PARP8: variants seen among roughly 807,000 people sequenced by gnomAD.
PARP8 encodes the protein protein mono-ADP-ribosyltransferase PARP8.
Under a neutral mutation model 124.1 loss-of-function variants are expected in PARP8, and 51 were observed. The observed-to-expected ratio is 0.41, with a 90% CI of 0.33 to 0.52. The LOEUF (loss-of-function observed/expected upper bound fraction) is 0.52, where lower values mean the gene tolerates loss of function less well. Among genes scored for constraint, PARP8 ranks in the 20% least tolerant of loss-of-function variants. PARP8 has a pLI of 0.21. For synonymous variants in PARP8, 391 were observed against 361.5 expected, an observed-to-expected ratio of 1.08 and a Z score of -0.93; for missense variants, 860 against 1,018.9, an observed-to-expected ratio of 0.84 and a Z score of 2.12.
chr5:50,674,827 G>T (rs905442270), intron 2 of PARP8, among the ~76,000 whole-genome samples: 1 of 152,040 alleles, frequency 6.6e-6, no homozygotes, highest in Non-Finnish European at 1.5e-5. Context: ...TTTTTTCCTT[G>T]CCCACGAATG....
intron 2 of PARP8, among the ~76,000 whole-genome samples, 160 bp from the exon 3 acceptor site, chr5:50,749,991 C>A (rs72753773): frequency 1.3e-5 from 2 of 151,932 alleles, no homozygotes; most frequent in African/African-American, 4.8e-5. Context: ...TTTCTTATGG[C>A]GGATATAAAA....
intron 2 of PARP8, among the ~76,000 whole-genome samples, chr5:50,709,825 G>T (rs1262524470): frequency 2.1e-5 from 3 of 145,502 alleles, no homozygotes; most frequent in Non-Finnish European, 4.5e-5. Flanking sequence ...GAGATGGATG[G>T]ATGGACTGTT....
At position 50,760,424 on chromosome 5, in the gene PARP8, T is replaced by A. The variant is rs1460057687; in HGVS notation, c.345+62T>A. 1.1e-5 allele frequency: 13 copies of A among 1,222,134 alleles called. 1 individual carries two copies. The South Asian group carries it at 2.2e-4, about 20-fold the overall frequency. 75.7% of individuals were successfully genotyped at this position (1,222,134 alleles called of 1,614,324 possible). On this transcript the variant is annotated intron_variant, in intron 5 of 25. Transcript: ENST00000281631. ...ATAGATATATTTAAAATTTACTGGG[T>A]TTTTGTAGTTAATAGCATCATTAGT...
At chr5:50,806,400 G>A (rs1266895430) in intron 14 of PARP8, among the ~76,000 whole-genome samples, 3 of 151,964 alleles carry the variant, frequency 2.0e-5, no homozygotes, top group African/African-American at 7.2e-5. Flanking sequence ...CCTATAGTAA[G>A]TAGTGGAAAT....
rs527701444 is a variant in PARP8, at chr5:50,809,195, A to G, written c.1576-6237A>G. On this transcript the variant is annotated intron_variant, in intron 14 of 25. Transcript: ENST00000281631. ...GATTCTCTCTCTCTCAATGAACGGT[A>G]CACCTTTCCTCACCCTGAATGTGTG... is the stretch of plus-strand genomic sequence containing the variant. Among the ~76,000 whole-genome samples, 9 of 152,148 alleles carry G rather than the reference A, an allele frequency of 5.9e-5. No homozygotes were observed. The East Asian group carries it at 1.7e-3, about 29-fold the overall frequency.
chr5:50,696,552 T>G (rs1753047305), intron 2 of PARP8, among the ~76,000 whole-genome samples: 3 of 152,212 alleles, frequency 2.0e-5, no homozygotes, highest in Admixed American at 2.0e-4. Flanking sequence ...GCTCTTTCCC[T>G]CTGCAACAGC....
chr5:50,834,902 G>A lies in PARP8; in HGVS notation c.2378-29G>A, dbSNP rs752962942. On this transcript the variant is annotated intron_variant, in intron 24 of 25. Transcript: ENST00000281631. ...ACTAGGATTCCTTTAGAATAAAGTG[G>A]TTCTTTAATTTTATTTTCCACTTAA... The A allele has an allele frequency of 5.5e-5, 87 of 1,574,564 alleles. 1 individual carries two copies. The Admixed American group carries it at 1.2e-3, about 22-fold the overall frequency.
intron 22 of PARP8, among the ~76,000 whole-genome samples, chr5:50,831,675 C>A (rs973749163): frequency 6.6e-6 from 1 of 152,098 alleles, no homozygotes; most frequent in Non-Finnish European, 1.5e-5. Context: ...CACAGCAAAT[C>A]ATCAAGTACT....
chr5:50,668,316 G>A (rs1176168933), intron 2 of PARP8, 191 bp downstream of exon 2: 1 of 603,530 alleles, frequency 1.7e-6, no homozygotes, highest in African/African-American at 1.9e-5. Context: ...GTTTGATTCA[G>A]GTGTTTCGAG....
intron 2 of PARP8, among the ~76,000 whole-genome samples, chr5:50,747,750 G>T (rs1394803794): frequency 7.1e-5 from 10 of 141,798 alleles, no homozygotes; most frequent in South Asian, 2.3e-4. Context: ...TCAAAGATAG[G>T]ATAGACCTTG....
intron 14 of PARP8, among the ~76,000 whole-genome samples, chr5:50,814,703 A>C (rs1161823789): frequency 6.6e-6 from 1 of 152,152 alleles, no homozygotes; most frequent in Non-Finnish European, 1.5e-5. Context: ...CAGTGGCACT[A>C]ACAAATGCCT....
At chr5:50,827,003 G>A (rs1170196971) in intron 19 of PARP8, among the ~76,000 whole-genome samples, 200 bp downstream of exon 19, 2 of 152,020 alleles carry the variant, frequency 1.3e-5, no homozygotes, top group Non-Finnish European at 2.9e-5. Context: ...AATTCAGTCT[G>A]CTGTCCTGAC....
chr5:50,752,821 T>C (rs780445872), intron 3 of PARP8, among the ~76,000 whole-genome samples: 2 of 152,072 alleles, frequency 1.3e-5, no homozygotes, highest in Non-Finnish European at 2.9e-5. Flanking sequence ...GAAATTTTCT[T>C]TGCTCTATGA....
At chr5:50,751,835 G>T (rs565549304) in intron 3 of PARP8, among the ~76,000 whole-genome samples, 2 of 152,186 alleles carry the variant, frequency 1.3e-5, no homozygotes, top group Admixed American at 6.5e-5. Context: ...TCTTCACAGT[G>T]AAATTAATAT....
chr5:50,692,517 G>A (rs937900165), intron 2 of PARP8, among the ~76,000 whole-genome samples: 6 of 151,704 alleles, frequency 4.0e-5, no homozygotes, highest in African/African-American at 1.2e-4. Flanking sequence ...TTGTTTCTTA[G>A]CACAGTGTTT....
chr5:50,828,630 AG>A (rs1156962258), intron 21 of PARP8, among the ~76,000 whole-genome samples: 9 of 152,162 alleles, frequency 5.9e-5, no homozygotes, highest in Admixed American at 5.2e-4. Flanking sequence ...CTGTAACCCC[AG>A]CACTTTGGGA....
chr5:50,667,741 G>A (rs559345298), intron 1 of PARP8: 3 of 706,450 alleles, frequency 4.2e-6, no homozygotes, highest in Admixed American at 4.0e-5. Flanking sequence ...CCCCTGCCTG[G>A]GGGTCGCCTT....
chr5:50,783,371 T>A (rs1740885929), intron 9 of PARP8, among the ~76,000 whole-genome samples: 1 of 152,206 alleles, frequency 6.6e-6, no homozygotes, highest in Non-Finnish European at 1.5e-5. Context: ...GAATGAGGAA[T>A]GGACTTGAGA....
intron 24 of PARP8, among the ~76,000 whole-genome samples, chr5:50,834,599 T>C (rs978909011): frequency 9.8e-5 from 15 of 152,298 alleles, no homozygotes; most frequent in Middle Eastern, 3.4e-3. Context: ...CTGTCAACTG[T>C]CTTTTAAGTT....
Sources: gnomAD v4.1 joint callset for allele counts (sites outside exome capture counted in the v4.1 genomes callset) on GRCh38, gnomAD v4.1.1 for gene constraint, MANE v1.5 for transcripts, NCBI Gene and HGNC (gene_info 2026-07-23, HGNC 2026-07-21) for gene names.